Variants in NLGN1 observed in about 807,000 individuals in gnomAD.
NLGN1 encodes neuroligin 1, also known as neuroligin-1.
A neutral mutation model predicts 65.5 loss-of-function variants in NLGN1; 12 were observed. That is an observed-to-expected ratio of 0.18 (90% CI 0.12 to 0.30). NLGN1 has a LOEUF of 0.30. NLGN1 is among the 10% of genes least tolerant of loss of function. The pLI is 1.00. For synonymous variants in NLGN1, 350 were observed against 359.5 expected (o/e 0.97, Z 0.30); for missense variants, 750 against 1,007.1 (o/e 0.74, Z 3.46).
At chr3:173,602,728 G>T (rs758106942) in intron 2 of NLGN1, among the ~76,000 whole-genome samples, 5 of 152,016 alleles carry the variant, frequency 3.3e-5, no homozygotes, top group Non-Finnish European at 7.4e-5. Context: ...TCTGAGTTAG[G>T]TGTCAAAACA....
chr3:173,844,716 A>G (rs1725417390), intron 4 of NLGN1, among the ~76,000 whole-genome samples: 2 of 152,224 alleles, frequency 1.3e-5, no homozygotes, highest in Admixed American at 1.3e-4. Context: ...GTTTCACTGT[A>G]GACATTTCTT....
chr3:173,804,243 A>G (rs1436668927), intron 3 of NLGN1, among the ~76,000 whole-genome samples: 1 of 152,206 alleles, frequency 6.6e-6, no homozygotes, highest in Non-Finnish European at 1.5e-5. Flanking sequence ...TGGAAATTAT[A>G]AACATGCCTG....
chr3:174,010,419 T>C (rs1725295164), intron 4 of NLGN1, among the ~76,000 whole-genome samples: 2 of 152,280 alleles, frequency 1.3e-5, no homozygotes, highest in Non-Finnish European at 2.9e-5. Context: ...AGAAATACTG[T>C]TGTTTGATTT....
At chr3:174,257,211 A>G (rs1351499407) in intron 4 of NLGN1, among the ~76,000 whole-genome samples, 2 of 152,322 alleles carry the variant, frequency 1.3e-5, no homozygotes, top group South Asian at 2.1e-4. Flanking sequence ...ATGAGATACC[A>G]TCTCACATCA....
At chr3:173,596,507 T>A (rs1749513281) in intron 2 of NLGN1, among the ~76,000 whole-genome samples, 1 of 152,210 alleles carries the variant, frequency 6.6e-6, no homozygotes, top group Non-Finnish European at 1.5e-5. Flanking sequence ...TCAGTTTAAT[T>A]ATCTGTTACA....
intron 4 of NLGN1, among the ~76,000 whole-genome samples, chr3:173,829,658 A>G (rs952205575): frequency 2.0e-5 from 3 of 152,096 alleles, no homozygotes; most frequent in Non-Finnish European, 4.4e-5. Context: ...AATTATAGTC[A>G]CTATACTATA....
intron 4 of NLGN1, among the ~76,000 whole-genome samples, chr3:174,136,924 G>A (rs1274699994): frequency 2.0e-5 from 3 of 152,152 alleles, no homozygotes; most frequent in Non-Finnish European, 4.4e-5. Flanking sequence ...TGAAAATACC[G>A]TAAATGGAAA....
chr3:173,987,436 A>G (rs981541726), intron 4 of NLGN1, among the ~76,000 whole-genome samples: 1 of 152,192 alleles, frequency 6.6e-6, no homozygotes, highest in Admixed American at 6.5e-5. Context: ...AAAGGAATTC[A>G]TTGCCCATGT....
intron 4 of NLGN1, among the ~76,000 whole-genome samples, chr3:173,984,768 G>A (rs1719526572): frequency 6.6e-6 from 1 of 152,170 alleles, no homozygotes; most frequent in South Asian, 2.1e-4. Flanking sequence ...TGCCAGCTGG[G>A]TGCAGTGGCT....
chr3:174,157,887 C>T (rs569756894), intron 4 of NLGN1, among the ~76,000 whole-genome samples: 27 of 151,816 alleles, frequency 1.8e-4, no homozygotes, highest in African/African-American at 6.5e-4. Flanking sequence ...ACCCTTAGAA[C>T]ACTCACTCCC....
intron 2 of NLGN1, among the ~76,000 whole-genome samples, chr3:173,536,774 TG>T (rs1737506634): frequency 6.6e-6 from 1 of 152,160 alleles, no homozygotes; most frequent in Admixed American, 6.5e-5. Flanking sequence ...TGCGTGTGTG[TG>T]TGTGTGCGTA....
At chr3:174,247,795 T>G (rs1254783706) in intron 4 of NLGN1, among the ~76,000 whole-genome samples, 2 of 152,208 alleles carry the variant, frequency 1.3e-5, no homozygotes, top group Non-Finnish European at 2.9e-5. Context: ...ACCAGACGTT[T>G]TCAGGCTCCA....
intron 4 of NLGN1, among the ~76,000 whole-genome samples, chr3:174,034,486 T>C (rs1031840592): frequency 2.0e-5 from 3 of 152,018 alleles, no homozygotes; most frequent in African/African-American, 4.8e-5. Flanking sequence ...AGTAATAATA[T>C]TTTAGGTGAT....
At chr3:173,508,382 A>G (rs1732383455) in intron 2 of NLGN1, among the ~76,000 whole-genome samples, 1 of 152,164 alleles carries the variant, frequency 6.6e-6, no homozygotes, top group Non-Finnish European at 1.5e-5. Context: ...TATGTCATCT[A>G]GGGACTTTTC....
intron 4 of NLGN1, among the ~76,000 whole-genome samples, chr3:173,983,062 ATAAT>A (rs1365768500): frequency 1.3e-5 from 2 of 152,174 alleles, no homozygotes; most frequent in African/African-American, 4.8e-5. Flanking sequence ...CTAATATAGA[ATAAT>A]TAAGTTTAAA....
At chr3:173,848,457 G>A (rs1223887374) in intron 4 of NLGN1, among the ~76,000 whole-genome samples, 3 of 152,096 alleles carry the variant, frequency 2.0e-5, no homozygotes, top group Non-Finnish European at 4.4e-5. Context: ...AAATGTTAAC[G>A]TTTAGACATC....
chr3:174,070,227 C>T (rs1739516948), intron 4 of NLGN1, among the ~76,000 whole-genome samples: 1 of 152,102 alleles, frequency 6.6e-6, no homozygotes, highest in African/African-American at 2.4e-5. Flanking sequence ...AGATTCCTAC[C>T]TCACATTTTT....
At chr3:173,863,216 A>T (rs1294172558) in intron 4 of NLGN1, among the ~76,000 whole-genome samples, 2 of 152,012 alleles carry the variant, frequency 1.3e-5, no homozygotes, top group Non-Finnish European at 1.5e-5. Flanking sequence ...AAAAAGCTAT[A>T]AAAAATTAAT....
At chr3:173,413,948 G>A (rs185632117) in intron 1 of NLGN1, among the ~76,000 whole-genome samples, 88 of 152,332 alleles carry the variant, frequency 5.8e-4, no homozygotes, top group Admixed American at 5.2e-3. Flanking sequence ...AGCTTTGTAT[G>A]TACAGAGAAG....
Sources: gnomAD v4.1 joint callset for allele counts (sites outside exome capture counted in the v4.1 genomes callset) on GRCh38, gnomAD v4.1.1 for gene constraint, MANE v1.5 for transcripts, NCBI Gene and HGNC (gene_info 2026-07-23, HGNC 2026-07-21) for gene names.